The following PCDH9 variants were observed in gnomAD, a reference collection of about 807,000 sequenced individuals.
PCDH9 encodes the protein protocadherin-9.
Under a neutral mutation model 70.6 loss-of-function variants are expected in PCDH9, and 24 were observed. The observed-to-expected ratio is 0.34, with a 90% CI of 0.25 to 0.48. The LOEUF is 0.48. Ranked by LOEUF, PCDH9 falls within the 20% of genes least tolerant of loss-of-function variation. The probability of loss-of-function intolerance (pLI) is 0.99; values close to 1 mark genes in which losing one functional copy is unlikely to be tolerated. For synonymous variants in PCDH9, 562 were observed against 558.5 expected, an observed-to-expected ratio of 1.01 and a Z score of -0.09; for missense variants, 1,281 against 1,503.6, an observed-to-expected ratio of 0.85 and a Z score of 2.45.
chr13:66,399,388 TA>T (rs745314323), intron 4 of PCDH9, among the ~76,000 whole-genome samples: 5 of 152,190 alleles, frequency 3.3e-5, no homozygotes, highest in Non-Finnish European at 7.3e-5. Flanking sequence ...GCCAGCGGCT[TA>T]TTTTTGATGT....
chr13:66,656,813 G>A (rs1465974377), intron 3 of PCDH9, among the ~76,000 whole-genome samples: 1 of 152,164 alleles, frequency 6.6e-6, no homozygotes, highest in African/African-American at 2.4e-5. Flanking sequence ...GTACAGTGTT[G>A]ATCTCTCTTT....
intron 4 of PCDH9, among the ~76,000 whole-genome samples, chr13:66,565,495 G>A (rs1286819338): frequency 6.6e-6 from 1 of 152,210 alleles, no homozygotes; most frequent in Non-Finnish European, 1.5e-5. Context: ...GAGAGTGGCA[G>A]ATTTTGACAG....
intron 3 of PCDH9, among the ~76,000 whole-genome samples, chr13:66,859,850 C>A (rs1004530407): frequency 2.0e-5 from 3 of 152,042 alleles, no homozygotes; most frequent in African/African-American, 7.3e-5. Flanking sequence ...AGGAAATGCA[C>A]CCCTACTAAT....
intron 4 of PCDH9, among the ~76,000 whole-genome samples, chr13:66,499,550 C>T (rs1369574824): frequency 6.6e-6 from 1 of 152,178 alleles, no homozygotes; most frequent in African/African-American, 2.4e-5. Context: ...TAAAAATCTC[C>T]AGCAGACCAT....
chr13:67,093,918 A>T (rs1377815217), intron 2 of PCDH9, among the ~76,000 whole-genome samples: 1 of 152,226 alleles, frequency 6.6e-6, no homozygotes, highest in Admixed American at 6.6e-5. Flanking sequence ...ATGAGATAGT[A>T]GAAAAGGTAC....
At chr13:66,586,664 C>G (rs2076967411) in intron 4 of PCDH9, among the ~76,000 whole-genome samples, 1 of 152,122 alleles carries the variant, frequency 6.6e-6, no homozygotes, top group Admixed American at 6.6e-5. Context: ...GGAAATGACA[C>G]TCCTAGATAG....
intron 2 of PCDH9, among the ~76,000 whole-genome samples, chr13:67,092,584 C>T (rs1353037896): frequency 6.6e-6 from 1 of 152,086 alleles, no homozygotes; most frequent in East Asian, 1.9e-4. Context: ...GTACTTTATT[C>T]CCCCGGACTG....
intron 2 of PCDH9, among the ~76,000 whole-genome samples, chr13:67,154,407 G>A (rs964444179): frequency 9.9e-5 from 15 of 151,544 alleles, no homozygotes; most frequent in African/African-American, 1.7e-4. Context: ...GCAAAACCTC[G>A]TCTCTATGAA....
intron 4 of PCDH9, among the ~76,000 whole-genome samples, chr13:66,598,513 A>G (rs2077128940): frequency 6.6e-6 from 1 of 151,812 alleles, no homozygotes. Context: ...GGCTCAGGGA[A>G]CAACCATGAT....
intron 4 of PCDH9, among the ~76,000 whole-genome samples, chr13:66,345,118 C>T (rs1956193060): frequency 6.6e-6 from 1 of 152,168 alleles, no homozygotes. Context: ...ATGTATAATT[C>T]GGGTAATGAA....
At chr13:66,943,312 C>T (rs567040576) in intron 2 of PCDH9, among the ~76,000 whole-genome samples, 1 of 152,002 alleles carries the variant, frequency 6.6e-6, no homozygotes, top group African/African-American at 2.4e-5. Flanking sequence ...GAATGAATTG[C>T]TCGGCCTCTT....
intron 4 of PCDH9, among the ~76,000 whole-genome samples, chr13:66,570,998 A>T (rs927850883): frequency 4.6e-5 from 7 of 152,164 alleles, no homozygotes; most frequent in African/African-American, 1.7e-4. Flanking sequence ...ACTATTCAAT[A>T]ATAGAAATAT....
intron 4 of PCDH9, among the ~76,000 whole-genome samples, chr13:66,561,817 A>C (rs963888193): frequency 6.6e-6 from 1 of 152,140 alleles, no homozygotes; most frequent in Non-Finnish European, 1.5e-5. Context: ...GGGTGGGGCC[A>C]GATAAGAGAA....
chr13:67,019,218 G>T (rs1296956129), intron 2 of PCDH9, among the ~76,000 whole-genome samples: 1 of 120,196 alleles, frequency 8.3e-6, no homozygotes, highest in African/African-American at 3.1e-5. Flanking sequence ...TTCTGAGATG[G>T]AGTCTTGCTC....
At chr13:66,706,560 G>A (rs1262265659) in intron 3 of PCDH9, among the ~76,000 whole-genome samples, 1 of 152,166 alleles carries the variant, frequency 6.6e-6, no homozygotes, top group African/African-American at 2.4e-5. Context: ...AGTGGTAGTA[G>A]CAGTAATATT....
chr13:67,061,383 T>C (rs73211194), intron 2 of PCDH9, among the ~76,000 whole-genome samples: 11 of 61,606 alleles, frequency 1.8e-4, no homozygotes, highest in South Asian at 6.5e-4. Flanking sequence ...GTCTGTCTGT[T>C]TGTCTGTCTC....
intron 2 of PCDH9, among the ~76,000 whole-genome samples, chr13:67,168,729 T>C (rs2088194077): frequency 6.6e-6 from 1 of 152,210 alleles, no homozygotes. Context: ...AGCAAGATCC[T>C]GGCTCCAAGT....
intron 3 of PCDH9, among the ~76,000 whole-genome samples, chr13:66,796,327 T>C (rs2080240316): frequency 6.6e-6 from 1 of 152,188 alleles, no homozygotes; most frequent in African/African-American, 2.4e-5. Context: ...GACCCTTGTC[T>C]GTAAAACATG....
At chr13:66,711,098 A>G (rs2078787158) in intron 3 of PCDH9, among the ~76,000 whole-genome samples, 1 of 152,200 alleles carries the variant, frequency 6.6e-6, no homozygotes, top group African/African-American at 2.4e-5. Flanking sequence ...AAAATAATAG[A>G]GTATTATTTC....
Sources: allele counts gnomAD v4.1 joint callset (sites outside exome capture counted in the v4.1 genomes callset), GRCh38; gene constraint gnomAD v4.1.1; transcripts MANE v1.5; gene names NCBI Gene and HGNC (gene_info 2026-07-23, HGNC 2026-07-21).